Variants in FILIP1L observed in about 807,000 individuals in gnomAD.
FILIP1L encodes the protein filamin A-interacting protein 1-like.
Under a neutral mutation model 96.6 loss-of-function variants are expected in FILIP1L, and 55 were observed. The ratio of observed to expected loss-of-function variants is 0.57; its 90% CI spans 0.46 to 0.71. The LOEUF is 0.71. Ranked by LOEUF, FILIP1L falls within the 30% of genes least tolerant of loss-of-function variation. FILIP1L has a pLI of 0.00. For missense variants in FILIP1L, 1,304 were observed against 1,321.2 expected, an observed-to-expected ratio of 0.99 and a Z score of 0.20; for synonymous variants, 467 against 473.9, an observed-to-expected ratio of 0.99 and a Z score of 0.19.
chr3:99,882,105 T>C (rs1355748350), intron 4 of FILIP1L, among the ~76,000 whole-genome samples: 1 of 152,240 alleles, frequency 6.6e-6, no homozygotes, highest in Non-Finnish European at 1.5e-5. Context: ...GCATAAATTT[T>C]AATTATAAAC....
At chr3:99,975,394 C>A (rs1708939567) in intron 1 of FILIP1L, among the ~76,000 whole-genome samples, 1 of 152,114 alleles carries the variant, frequency 6.6e-6, no homozygotes. Flanking sequence ...GAGTTCAAGA[C>A]CAGCTTGACC....
intron 1 of FILIP1L, among the ~76,000 whole-genome samples, chr3:99,968,417 A>T (rs1272632942): frequency 6.6e-6 from 1 of 150,530 alleles, no homozygotes; most frequent in Non-Finnish European, 1.5e-5. Flanking sequence ...CTGAAAAACT[A>T]TGTTTTTGGG....
In FILIP1L at chr3:100,090,085, T is replaced by C. The variant is rs115832807; in HGVS notation, c.-11+23968A>G. On this transcript the variant is annotated intron_variant, in intron 1 of 5. Coordinates refer to ENST00000477258, the MANE Select transcript of FILIP1L (RefSeq NM_001387850.1). ...TGATGTTTATCTCAAAGCTCATTGC[T>C]TCACTGTCTGCAGCTGATCCTTCTG... 4.3e-3 allele frequency among the ~76,000 whole-genome samples: 653 copies of C among 152,354 alleles called. 7 individuals are homozygous for C. Among genetic ancestry groups the C allele is most frequent in the African/African-American group, 0.015 (640 of 41,590 alleles).
chr3:100,090,925 A>G (rs558912438), intron 1 of FILIP1L, among the ~76,000 whole-genome samples: 1 of 152,326 alleles, frequency 6.6e-6, no homozygotes, highest in African/African-American at 2.4e-5. Context: ...GAGGTTAAAC[A>G]TTTCAAAGTA....
intron 1 of FILIP1L, among the ~76,000 whole-genome samples, chr3:99,996,781 G>A (rs1372831485): frequency 6.6e-6 from 1 of 151,890 alleles, no homozygotes; most frequent in Non-Finnish European, 1.5e-5. Flanking sequence ...AGAACAGTAT[G>A]GGGAAAACCG....
intron 4 of FILIP1L, among the ~76,000 whole-genome samples, chr3:99,901,390 G>T (rs997053478): frequency 6.6e-5 from 10 of 152,174 alleles, no homozygotes; most frequent in African/African-American, 2.2e-4. Flanking sequence ...GTAGTGACAA[G>T]CGATGACTCA....
chr3:99,979,765 T>C (rs1458354989), intron 1 of FILIP1L, among the ~76,000 whole-genome samples: 1 of 152,178 alleles, frequency 6.6e-6, no homozygotes. Flanking sequence ...ATTGTAAGGA[T>C]ATAAAGAGGA....
intron 4 of FILIP1L, among the ~76,000 whole-genome samples, chr3:99,888,766 A>C (rs1306263673): frequency 6.6e-6 from 1 of 152,164 alleles, no homozygotes; most frequent in Admixed American, 6.5e-5. Context: ...TTCTATAACC[A>C]TCTTTGTTGA....
At chr3:99,830,943 G>T (rs111942883) in intron 5 of FILIP1L, among the ~76,000 whole-genome samples, 3 of 152,174 alleles carry the variant, frequency 2.0e-5, no homozygotes, top group East Asian at 1.9e-4. Context: ...GGTTAATTTC[G>T]AATGAGATTG....
intron 1 of FILIP1L, among the ~76,000 whole-genome samples, chr3:100,045,475 G>A (rs1441836575): frequency 6.6e-6 from 1 of 151,940 alleles, no homozygotes; most frequent in Non-Finnish European, 1.5e-5. Context: ...GTGCTGCTGT[G>A]TTAGAATTTT....
At chr3:99,963,147 A>G (rs898130017) in intron 1 of FILIP1L, among the ~76,000 whole-genome samples, 3 of 152,220 alleles carry the variant, frequency 2.0e-5, no homozygotes, top group Non-Finnish European at 2.9e-5. Flanking sequence ...CACCAGAGAA[A>G]GTTCGAAATG....
intron 1 of FILIP1L, among the ~76,000 whole-genome samples, chr3:100,093,872 A>G (rs962079041): frequency 6.6e-6 from 1 of 152,208 alleles, no homozygotes; most frequent in Non-Finnish European, 1.5e-5. Context: ...TATCTAGGAC[A>G]TCTGAGTTTT....
At chr3:100,040,984 G>A (rs1327487507) in intron 1 of FILIP1L, 1 of 152,158 alleles carries the variant, frequency 6.6e-6, no homozygotes, top group African/African-American at 2.4e-5. Flanking sequence ...GAATTTTGCT[G>A]AAAAATCTGT....
At chr3:99,864,983 G>C (rs1944443570) in intron 4 of FILIP1L, among the ~76,000 whole-genome samples, 1 of 152,110 alleles carries the variant, frequency 6.6e-6, no homozygotes, top group Admixed American at 6.6e-5. Flanking sequence ...ATTTCTGGTA[G>C]GGAACAGTAC....
At position 100,058,839 on chromosome 3, in the gene FILIP1L, A is replaced by G. The variant is rs187727159; in HGVS notation, c.-11+55214T>C. On this transcript the variant is annotated intron_variant, in intron 1 of 5. Transcript: ENST00000477258. ...CCACAGTTTCATATGTGAAGTTTAA[A>G]ATAAAGTTTAGTAGTTGAGTGATGT... is the stretch of plus-strand genomic sequence containing the variant. Among the ~76,000 whole-genome samples, 4 of 152,312 alleles carry G rather than the reference A, an allele frequency of 2.6e-5. No individual in the cohort carries two copies. The East Asian group carries it at 7.7e-4, about 29-fold the overall frequency.
chr3:100,008,903 G>A lies in FILIP1L; in HGVS notation c.-10-77873C>T, dbSNP rs28412784. Among the ~76,000 whole-genome samples the A allele has an allele frequency of 5.0e-3, 754 of 152,262 alleles. 5 individuals carry two copies. The highest frequency in any genetic ancestry group is 0.017 in the African/African-American group (709 of 41,532). On this transcript the variant is annotated intron_variant, in intron 1 of 5. Coordinates refer to ENST00000477258, the MANE Select transcript of FILIP1L (RefSeq NM_001387850.1). Reference sequence around the variant, plus strand: ...TGGGATTAATTAATAATTACAAAGTGCCTACATAGTTCAGAAACTTGGAAC... The same window carrying A: ...TGGGATTAATTAATAATTACAAAGTACCTACATAGTTCAGAAACTTGGAAC...
intron 4 of FILIP1L, among the ~76,000 whole-genome samples, chr3:99,887,973 G>A (rs1705963612): frequency 6.6e-6 from 1 of 152,002 alleles, no homozygotes; most frequent in African/African-American, 2.4e-5. Context: ...CTCCTGGGAA[G>A]GTTCAAGCAA....
intron 5 of FILIP1L, among the ~76,000 whole-genome samples, chr3:99,832,135 T>C (rs1214578361): frequency 5.3e-5 from 8 of 152,192 alleles, no homozygotes; most frequent in Admixed American, 5.2e-4. Flanking sequence ...GCTTTTGTTT[T>C]CTAGGTAACT....
chr3:99,897,611 G>C (rs1706300170), intron 4 of FILIP1L, among the ~76,000 whole-genome samples: 1 of 152,044 alleles, frequency 6.6e-6, no homozygotes, highest in African/African-American at 2.4e-5. Context: ...GGAGTGCTGG[G>C]GTATCGTGTA....
Sources: gnomAD v4.1 joint callset for allele counts (sites outside exome capture counted in the v4.1 genomes callset) on GRCh38, gnomAD v4.1.1 for gene constraint, MANE v1.5 for transcripts, NCBI Gene and HGNC (gene_info 2026-07-23, HGNC 2026-07-21) for gene names.